NCKAP5: variants seen among roughly 807,000 people sequenced by gnomAD.
NCKAP5 encodes the protein nck-associated protein 5.
Under a neutral mutation model 167.0 loss-of-function variants are expected in NCKAP5, and 92 were observed. That is an observed-to-expected ratio of 0.55 (90% CI 0.47 to 0.66). NCKAP5 has a LOEUF of 0.66. Among genes scored for constraint, NCKAP5 ranks in the 30% least tolerant of loss-of-function variants. The probability of loss-of-function intolerance (pLI) is 0.00; values close to 1 mark genes in which losing one functional copy is unlikely to be tolerated. For missense variants in NCKAP5, 2,378 were observed against 2,315.0 expected, an observed-to-expected ratio of 1.03 and a Z score of -0.56; for synonymous variants, 891 against 877.4, an observed-to-expected ratio of 1.02 and a Z score of -0.27.
chr2:133,497,249 T>C (rs1319064573), intron 3 of NCKAP5, among the ~76,000 whole-genome samples: 1 of 152,234 alleles, frequency 6.6e-6, no homozygotes, highest in African/African-American at 2.4e-5. Context: ...TGTCAAAATT[T>C]GATTTAAGAA....
intron 5 of NCKAP5, among the ~76,000 whole-genome samples, chr2:133,170,455 A>G (rs2084198845): frequency 6.6e-6 from 1 of 152,232 alleles, no homozygotes; most frequent in Non-Finnish European, 1.5e-5. Context: ...CATCCATAGT[A>G]TACTATGGTT....
At chr2:132,684,599 G>T (rs933602525) in intron 19 of NCKAP5, among the ~76,000 whole-genome samples, 1 of 152,130 alleles carries the variant, frequency 6.6e-6, no homozygotes, top group African/African-American at 2.4e-5. Context: ...CAGGTGTCTT[G>T]GTACCAGACA....
At chr2:133,606,889 A>C in the NCKAP5 span, among the ~76,000 whole-genome samples, 3 of 152,190 alleles carry the variant, frequency 2.0e-5, no homozygotes, top group Admixed American at 2.0e-4. Flanking sequence ...TGCCCATCAG[A>C]AAATAAGGAG....
intron 3 of NCKAP5, among the ~76,000 whole-genome samples, chr2:133,504,603 A>G (rs895754660): frequency 6.6e-6 from 1 of 152,062 alleles, no homozygotes; most frequent in African/African-American, 2.4e-5. Context: ...TGGCCAATAA[A>G]TGTTACCTTT....
At chr2:133,149,062 T>G (rs766494793) in intron 5 of NCKAP5, among the ~76,000 whole-genome samples, 44 of 152,258 alleles carry the variant, frequency 2.9e-4, no homozygotes, top group African/African-American at 7.5e-4. Flanking sequence ...CTTGCCTTAT[T>G]ATTTGGGCTT....
chr2:133,101,994 G>T (rs1276823228), intron 6 of NCKAP5, among the ~76,000 whole-genome samples: 1 of 152,006 alleles, frequency 6.6e-6, no homozygotes, highest in Non-Finnish European at 1.5e-5. Flanking sequence ...GAAAAAAGGA[G>T]TCTCTGGGGA....
intron 3 of NCKAP5, among the ~76,000 whole-genome samples, chr2:133,421,511 T>C (rs1051004564): frequency 1.3e-5 from 2 of 152,150 alleles, no homozygotes; most frequent in East Asian, 1.9e-4. Flanking sequence ...GAGATTCAAA[T>C]AGAATTCATG....
intron 3 of NCKAP5, among the ~76,000 whole-genome samples, chr2:133,328,274 CATT>C (rs1292765683): frequency 2.0e-5 from 3 of 152,164 alleles, no homozygotes; most frequent in African/African-American, 7.2e-5. Flanking sequence ...TATCTGCTCT[CATT>C]ATGTCATTTT....
chr2:132,728,782 TGG>T, intron 18 of NCKAP5, 32 bp downstream of exon 18: 5 of 1,606,932 alleles, frequency 3.1e-6, no homozygotes, highest in Non-Finnish European at 4.2e-6. Context: ...GACCAACAGG[TGG>T]ATTGCACCCT....
intron 7 of NCKAP5, among the ~76,000 whole-genome samples, chr2:132,966,185 C>T (rs1204102921): frequency 6.6e-6 from 1 of 152,082 alleles, no homozygotes; most frequent in Non-Finnish European, 1.5e-5. Context: ...CTGCAACCTC[C>T]ACCTCCCAGG....
chr2:132,795,410 A>G (rs1684496815), intron 12 of NCKAP5, among the ~76,000 whole-genome samples: 1 of 152,230 alleles, frequency 6.6e-6, no homozygotes, highest in Non-Finnish European at 1.5e-5. Flanking sequence ...TGCACTATCC[A>G]AAGTATATTT....
At chr2:133,404,110 T>G (rs1688274940) in intron 3 of NCKAP5, among the ~76,000 whole-genome samples, 1 of 152,244 alleles carries the variant, frequency 6.6e-6, no homozygotes, top group African/African-American at 2.4e-5. Flanking sequence ...CCTCTTAGAA[T>G]ATTCTGAATT....
intron 3 of NCKAP5, among the ~76,000 whole-genome samples, chr2:133,413,537 C>T (rs1258617951): frequency 2.0e-5 from 3 of 151,998 alleles, no homozygotes; most frequent in African/African-American, 7.3e-5. Context: ...GGGAAGGGTG[C>T]CTGGCATCTT....
chr2:133,007,034 T>C (rs2077993093), intron 6 of NCKAP5, among the ~76,000 whole-genome samples: 1 of 152,168 alleles, frequency 6.6e-6, no homozygotes, highest in Non-Finnish European at 1.5e-5. Context: ...AAAGTCGCTC[T>C]ACCAAATCCT....
intron 16 of NCKAP5, among the ~76,000 whole-genome samples, chr2:132,736,506 C>A (rs1160562506): frequency 6.6e-6 from 1 of 151,990 alleles, no homozygotes; most frequent in Non-Finnish European, 1.5e-5. Context: ...CACAGCTGGG[C>A]GCGGTGGCTC....
At chr2:132,872,760 G>C (rs988769514) in intron 9 of NCKAP5, among the ~76,000 whole-genome samples, 1 of 152,226 alleles carries the variant, frequency 6.6e-6, no homozygotes, top group Non-Finnish European at 1.5e-5. Context: ...TTTTGAAAAT[G>C]TGCTTTGGAG....
intron 18 of NCKAP5, among the ~76,000 whole-genome samples, chr2:132,726,520 C>A (rs370317860): frequency 3.9e-5 from 6 of 152,262 alleles, no homozygotes; most frequent in African/African-American, 1.4e-4. Context: ...TGTGTTGAAT[C>A]GAGGTTATTT....
At chr2:133,500,687 A>G (rs186941163) in intron 3 of NCKAP5, among the ~76,000 whole-genome samples, 24 of 152,342 alleles carry the variant, frequency 1.6e-4, no homozygotes, top group Admixed American at 1.2e-3. Flanking sequence ...CACACTTGAA[A>G]GAAATTTAAG....
At chr2:132,998,325 TA>T (rs1328007186) in intron 6 of NCKAP5, among the ~76,000 whole-genome samples, 1 of 152,130 alleles carries the variant, frequency 6.6e-6, no homozygotes, top group East Asian at 1.9e-4. Flanking sequence ...ACTTAAAAAA[TA>T]GGAAAAAGTG....
Sources: gnomAD v4.1 joint callset for allele counts (sites outside exome capture counted in the v4.1 genomes callset) on GRCh38, gnomAD v4.1.1 for gene constraint, MANE v1.5 for transcripts, NCBI Gene and HGNC (gene_info 2026-07-23, HGNC 2026-07-21) for gene names.